NUBPL: variants seen among roughly 807,000 people sequenced by gnomAD.
The protein encoded by NUBPL is NUBP iron-sulfur cluster assembly factor, mitochondrial, also known as iron-sulfur cluster transfer protein NUBPL.
Under a neutral mutation model 45.7 loss-of-function variants are expected in NUBPL, and 31 were observed. The observed-to-expected ratio is 0.68, with a 90% CI of 0.51 to 0.92. The LOEUF is 0.92. Among genes scored for constraint, NUBPL ranks in the 40% least tolerant of loss-of-function variants. NUBPL has a pLI of 0.00. For synonymous variants in NUBPL, 144 were observed against 140.9 expected (o/e 1.02, Z -0.15); for missense variants, 401 against 398.7 (o/e 1.01, Z -0.05).
chr14:31,612,515 G>C (rs368481632), intron 4 of NUBPL, among the ~76,000 whole-genome samples: 1 of 152,164 alleles, frequency 6.6e-6, no homozygotes, highest in East Asian at 1.9e-4. Context: ...ACAAAAATTA[G>C]CTGGGCGTGG....
intron 4 of NUBPL, among the ~76,000 whole-genome samples, chr14:31,652,636 AAT>A (rs1435950917): frequency 6.6e-6 from 1 of 152,202 alleles, no homozygotes; most frequent in Non-Finnish European, 1.5e-5. Context: ...TAACATTTCT[AAT>A]ATGTGTGCCC....
At chr14:31,755,481 C>G in intron 6 of NUBPL, among the ~76,000 whole-genome samples, 1 of 152,190 alleles carries the variant, frequency 6.6e-6, no homozygotes, top group East Asian at 1.9e-4. Context: ...TGTTTTTTGG[C>G]TTCATAAATG....
chr14:31,586,530 T>C (rs1317418528), intron 3 of NUBPL, among the ~76,000 whole-genome samples: 1 of 152,190 alleles, frequency 6.6e-6, no homozygotes, highest in Non-Finnish European at 1.5e-5. Flanking sequence ...CATTTCTGCA[T>C]TTCTGTTTGC....
chr14:31,825,332 T>C (rs2040079462), intron 7 of NUBPL, among the ~76,000 whole-genome samples: 1 of 152,186 alleles, frequency 6.6e-6, no homozygotes, highest in Non-Finnish European at 1.5e-5. Context: ...TTAGTTAGCT[T>C]TTCTTCCTAT....
intron 4 of NUBPL, among the ~76,000 whole-genome samples, chr14:31,644,736 A>G (rs928001618): frequency 2.9e-4 from 44 of 152,110 alleles, no homozygotes; most frequent in African/African-American, 1.0e-3. Context: ...TCCTTTACTG[A>G]GAGTAGGGTA....
At chr14:31,808,607 C>A (rs2039738324) in intron 7 of NUBPL, among the ~76,000 whole-genome samples, 1 of 152,102 alleles carries the variant, frequency 6.6e-6, no homozygotes, top group African/African-American at 2.4e-5. Context: ...GAATACCCTT[C>A]ATTTCTTTCT....
At chr14:31,838,344 C>T (rs2040317860) in intron 8 of NUBPL, among the ~76,000 whole-genome samples, 1 of 146,534 alleles carries the variant, frequency 6.8e-6, no homozygotes, top group Non-Finnish European at 1.5e-5. Flanking sequence ...TTATTTACAG[C>T]AGCCAAAATC....
intron 6 of NUBPL, among the ~76,000 whole-genome samples, chr14:31,704,970 G>A (rs1449692706): frequency 6.6e-6 from 1 of 152,202 alleles, no homozygotes; most frequent in Non-Finnish European, 1.5e-5. Context: ...CTTCTGGTGG[G>A]TTTGTGGTCT....
chr14:31,758,955 C>A (rs776201203), intron 6 of NUBPL, among the ~76,000 whole-genome samples: 2 of 152,134 alleles, frequency 1.3e-5, no homozygotes, highest in East Asian at 3.9e-4. Flanking sequence ...GGGATGAAGA[C>A]TTAGGCTTGT....
rs2040515639 is a variant in NUBPL at position 31,850,156 on chromosome 14, A to G, written c.852A>G (p.Ser284=). The G allele has an allele frequency of 6.2e-7, 1 of 1,613,946 alleles. No individual in the cohort carries two copies. Among genetic ancestry groups the G allele is most frequent in the East Asian group, 2.2e-5 (1 of 44,838 alleles). ...IPLHLNIREA[S]DTGQPIVFSQ... is the part of the protein sequence containing the mutation. ...TACACCTTAATATAAGGGAAGCTTC[A>G]GATACAGGCCAGCCAATTGTGTTTT... The change falls in exon 10 of 11, where the codon TCA becomes TCG. Residue 284 remains serine (S), a synonymous_variant. Coordinates refer to ENST00000281081, the MANE Select transcript of NUBPL (RefSeq NM_025152.3).
chr14:31,825,461 C>G (rs1315045735), intron 7 of NUBPL, among the ~76,000 whole-genome samples: 1 of 151,930 alleles, frequency 6.6e-6, no homozygotes, highest in East Asian at 1.9e-4. Context: ...TCTTCTTCCT[C>G]CTCCTCCTCT....
At chr14:31,823,179 T>C (rs1349315603) in intron 7 of NUBPL, among the ~76,000 whole-genome samples, 2 of 152,094 alleles carry the variant, frequency 1.3e-5, no homozygotes, top group Admixed American at 1.3e-4. Flanking sequence ...AGTTGCCAAC[T>C]TAAAGTTTAT....
In NUBPL at chr14:31,646,848, G is replaced by GTT. The variant is rs34912965; in HGVS notation, c.383-26498_383-26497dup. 5.4e-4 allele frequency among the ~76,000 whole-genome samples: 79 copies of GTT among 147,166 alleles called. No homozygotes were observed. The East Asian group carries it at 0.012, about 23-fold the overall frequency. ...TTCAGCACCAACACTTCTCAAATTT[G>GTT]TTTTTTTTTTGAGATAATTTTCTAT... On this transcript the variant is annotated intron_variant, in intron 4 of 10. Coordinates refer to ENST00000281081, the MANE Select transcript of NUBPL (RefSeq NM_025152.3).
At chr14:31,594,365 A>G (rs528496462) in intron 3 of NUBPL, among the ~76,000 whole-genome samples, 7 of 152,326 alleles carry the variant, frequency 4.6e-5, no homozygotes, top group Middle Eastern at 3.4e-3. Flanking sequence ...CAAGGCCCCT[A>G]TTGCCCTACT....
At chr14:31,804,958 T>C (rs939466477) in intron 7 of NUBPL, among the ~76,000 whole-genome samples, 1 of 152,070 alleles carries the variant, frequency 6.6e-6, no homozygotes, top group African/African-American at 2.4e-5. Flanking sequence ...ATTAAGAGCT[T>C]CTGTCCAGCA....
intron 6 of NUBPL, among the ~76,000 whole-genome samples, chr14:31,715,653 T>G (rs1294126154): frequency 3.3e-5 from 5 of 152,224 alleles, no homozygotes; most frequent in Non-Finnish European, 7.3e-5. Context: ...TGCCCCTGTG[T>G]AGGGCACTTA....
chr14:31,784,943 A>G (rs916659056), intron 6 of NUBPL, among the ~76,000 whole-genome samples: 2 of 152,196 alleles, frequency 1.3e-5, no homozygotes, highest in African/African-American at 2.4e-5. Context: ...GCTTGAATGT[A>G]GCAAATATAT....
intron 3 of NUBPL, among the ~76,000 whole-genome samples, chr14:31,576,655 ATC>A (rs2033725908): frequency 6.6e-6 from 1 of 152,196 alleles, no homozygotes; most frequent in Non-Finnish European, 1.5e-5. Context: ...TTCCTTAACT[ATC>A]TGCAGTCTTC....
intron 6 of NUBPL, among the ~76,000 whole-genome samples, chr14:31,725,602 C>T (rs1375403632): frequency 6.6e-6 from 1 of 151,970 alleles, no homozygotes; most frequent in African/African-American, 2.4e-5. Context: ...AAATCTTTGA[C>T]TGCATTGACT....
Sources: allele counts gnomAD v4.1 joint callset (sites outside exome capture counted in the v4.1 genomes callset), GRCh38; gene constraint gnomAD v4.1.1; transcripts MANE v1.5; gene names NCBI Gene and HGNC (gene_info 2026-07-23, HGNC 2026-07-21).